Variants in STPG2 observed in about 807,000 individuals in gnomAD.
STPG2 encodes sperm tail PG-rich repeat containing 2, also known as sperm-tail PG-rich repeat-containing protein 2.
A neutral mutation model predicts 54.2 loss-of-function variants in STPG2; 56 were observed. The observed-to-expected ratio is 1.03, with a 90% CI of 0.83 to 1.29. The LOEUF is 1.29. STPG2 is among the 50% of genes most tolerant of loss of function. The probability of loss-of-function intolerance (pLI) is 0.00; values close to 1 mark genes in which losing one functional copy is unlikely to be tolerated. For synonymous variants in STPG2, 200 were observed against 181.8 expected (o/e 1.10, Z -0.81); for missense variants, 596 against 544.9 (o/e 1.09, Z -0.93).
intron 7 of STPG2, among the ~76,000 whole-genome samples, chr4:97,959,884 G>T (rs1333341147): frequency 6.6e-6 from 1 of 151,846 alleles, no homozygotes; most frequent in African/African-American, 2.4e-5. Context: ...ACATGGAAAG[G>T]ACATAACAAA....
chr4:97,523,524 T>C (rs1053662888), intron 4 of STPG2, among the ~76,000 whole-genome samples: 1 of 151,968 alleles, frequency 6.6e-6, no homozygotes, highest in Non-Finnish European at 1.5e-5. Flanking sequence ...TGAAGGGTGA[T>C]TAAACAGTTA....
At chr4:98,079,462 C>T (rs562499410) in intron 5 of STPG2, among the ~76,000 whole-genome samples, 1 of 152,300 alleles carries the variant, frequency 6.6e-6, no homozygotes, top group African/African-American at 2.4e-5. Context: ...CCACTTTTGA[C>T]TGACTGATAA....
chr4:97,701,842 T>C (rs1486244527), intron 10 of STPG2, among the ~76,000 whole-genome samples: 3 of 152,216 alleles, frequency 2.0e-5, no homozygotes, highest in Non-Finnish European at 4.4e-5. Context: ...ACGACCACTT[T>C]GCCTTTGACA....
chr4:97,937,558 T>C (rs1369591011), intron 8 of STPG2, among the ~76,000 whole-genome samples: 1 of 152,078 alleles, frequency 6.6e-6, no homozygotes, highest in Non-Finnish European at 1.5e-5. Context: ...TTGGATGAGG[T>C]TTTTGTAGGA....
At chr4:97,509,626 C>T (rs921849613) in intron 4 of STPG2, among the ~76,000 whole-genome samples, 7 of 151,838 alleles carry the variant, frequency 4.6e-5, no homozygotes, top group African/African-American at 1.5e-4. Flanking sequence ...AAGTTACTCA[C>T]GGAAATTGAT....
intron 5 of STPG2, among the ~76,000 whole-genome samples, chr4:97,989,750 A>G (rs1012667814): frequency 6.6e-6 from 1 of 152,218 alleles, no homozygotes; most frequent in East Asian, 1.9e-4. Context: ...TGAACACAAG[A>G]ACTGGGATAC....
intron 5 of STPG2, among the ~76,000 whole-genome samples, chr4:98,020,103 A>C (rs1444181560): frequency 3.2e-5 from 4 of 126,324 alleles, no homozygotes; most frequent in Admixed American, 7.6e-5. Context: ...GCCAGTTTTC[A>C]AAGGGAATGC....
intron 10 of STPG2, among the ~76,000 whole-genome samples, chr4:97,697,705 T>C (rs1033927131): frequency 1.3e-5 from 2 of 152,198 alleles, no homozygotes; most frequent in African/African-American, 4.8e-5. Flanking sequence ...ATGCTCGTGA[T>C]GGCTATGACA....
chr4:98,085,089 C>T (rs1225936543), intron 5 of STPG2, among the ~76,000 whole-genome samples: 1 of 151,950 alleles, frequency 6.6e-6, no homozygotes, highest in Non-Finnish European at 1.5e-5. Context: ...AGATCTATGA[C>T]CCATTTTGAA....
chr4:97,924,206 GAC>G (rs893638348), intron 8 of STPG2, among the ~76,000 whole-genome samples: 1 of 152,102 alleles, frequency 6.6e-6, no homozygotes, highest in Non-Finnish European at 1.5e-5. Context: ...ACAAACTCCG[GAC>G]ACACCACCTT....
At chr4:97,538,177 G>T (rs560425005) in intron 4 of STPG2, among the ~76,000 whole-genome samples, 2 of 152,186 alleles carry the variant, frequency 1.3e-5, no homozygotes, top group Non-Finnish European at 2.9e-5. Context: ...ACCAGCAATG[G>T]AACAAAGCTG....
At chr4:97,883,658 G>A (rs1730460233) in intron 8 of STPG2, among the ~76,000 whole-genome samples, 1 of 151,964 alleles carries the variant, frequency 6.6e-6, no homozygotes, top group African/African-American at 2.4e-5. Flanking sequence ...CAGAGCCAAG[G>A]AAAGAATCAC....
chr4:97,921,068 G>T (rs532053448), intron 8 of STPG2, among the ~76,000 whole-genome samples: 1 of 152,278 alleles, frequency 6.6e-6, no homozygotes, highest in Admixed American at 6.5e-5. Context: ...AATAATAAAA[G>T]ATGCATTGAG....
At chr4:97,849,177 G>C (rs993275889) in intron 8 of STPG2, among the ~76,000 whole-genome samples, 2 of 147,772 alleles carry the variant, frequency 1.4e-5, no homozygotes, top group Non-Finnish European at 3.0e-5. Context: ...TTATTTCCTT[G>C]AGCAGTGGTT....
chr4:97,970,147 C>G (rs193089219), intron 7 of STPG2, among the ~76,000 whole-genome samples: 35 of 152,052 alleles, frequency 2.3e-4, no homozygotes, highest in African/African-American at 7.7e-4. Context: ...CACTGCTCAA[C>G]GAAATAAAAG....
intron 9 of STPG2, among the ~76,000 whole-genome samples, chr4:97,771,826 G>A (rs1250109908): frequency 6.6e-6 from 1 of 152,238 alleles, no homozygotes; most frequent in African/African-American, 2.4e-5. Context: ...ACAGATCTGG[G>A]ATATGGATGT....
chr4:97,869,040 T>C (rs185840659), intron 8 of STPG2, among the ~76,000 whole-genome samples: 11 of 151,964 alleles, frequency 7.2e-5, no homozygotes, highest in Non-Finnish European at 1.3e-4. Flanking sequence ...CTGAAAAATA[T>C]GGCTATGGTC....
At chr4:97,635,435 A>G (rs1313755058) in intron 10 of STPG2, among the ~76,000 whole-genome samples, 2 of 152,194 alleles carry the variant, frequency 1.3e-5, no homozygotes, top group Non-Finnish European at 2.9e-5. Context: ...GCATCAACTA[A>G]CGAGCAAAAT....
At chr4:97,850,773 A>G (rs1333637306) in intron 8 of STPG2, among the ~76,000 whole-genome samples, 1 of 152,132 alleles carries the variant, frequency 6.6e-6, no homozygotes, top group East Asian at 1.9e-4. Context: ...AACTACCCTC[A>G]AGCTGCAAGG....
Sources: gnomAD v4.1 joint callset for allele counts (sites outside exome capture counted in the v4.1 genomes callset) on GRCh38, gnomAD v4.1.1 for gene constraint, MANE v1.5 for transcripts, NCBI Gene and HGNC (gene_info 2026-07-23, HGNC 2026-07-21) for gene names.